The following IMMP2L variants were observed in gnomAD, a reference collection of about 807,000 sequenced individuals.
IMMP2L encodes the protein mitochondrial inner membrane protease subunit 2.
Under a neutral mutation model 19.3 loss-of-function variants are expected in IMMP2L, and 18 were observed. The observed-to-expected ratio is 0.93, with a 90% CI of 0.64 to 1.38. The LOEUF is 1.38. IMMP2L is among the 40% of genes most tolerant of loss of function. The pLI, the probability that IMMP2L is intolerant of heterozygous loss-of-function variation, is 0.00. For missense variants in IMMP2L, 233 were observed against 218.2 expected, an observed-to-expected ratio of 1.07 and a Z score of -0.43; for synonymous variants, 76 against 73.0, an observed-to-expected ratio of 1.04 and a Z score of -0.21.
intron 3 of IMMP2L, among the ~76,000 whole-genome samples, chr7:111,241,462 T>C (rs952382221): frequency 9.2e-5 from 14 of 152,030 alleles, no homozygotes; most frequent in African/African-American, 3.4e-4. Flanking sequence ...AAATTCTGGC[T>C]CTAGAGCTTA....
chr7:111,444,840 C>G (rs1035349693), intron 3 of IMMP2L, among the ~76,000 whole-genome samples: 3 of 152,022 alleles, frequency 2.0e-5, no homozygotes, highest in East Asian at 3.9e-4. Flanking sequence ...AGATATGCCC[C>G]TCTAATTACA....
At chr7:111,012,923 G>A (rs1480807758) in intron 3 of IMMP2L, among the ~76,000 whole-genome samples, 1 of 152,100 alleles carries the variant, frequency 6.6e-6, no homozygotes, top group East Asian at 1.9e-4. Context: ...GGAAGAGGAA[G>A]GGCTTCCATA....
intron 3 of IMMP2L, among the ~76,000 whole-genome samples, chr7:111,264,255 C>A (rs1366014030): frequency 2.0e-5 from 3 of 152,114 alleles, no homozygotes; most frequent in Non-Finnish European, 4.4e-5. Context: ...CATCACCTGA[C>A]AAGGGCACGG....
At chr7:111,048,985 G>A (rs1792722389) in intron 3 of IMMP2L, among the ~76,000 whole-genome samples, 1 of 151,978 alleles carries the variant, frequency 6.6e-6, no homozygotes, top group Non-Finnish European at 1.5e-5. Context: ...ACACTGCCAT[G>A]CTCTATTAGT....
Position 110,965,809 on chromosome 7 carries a change from A to G in IMMP2L, c.240-2244T>C, listed in dbSNP as rs140784223. ...CAAAGATGTACTACTAATAATAAAA[A>G]TAAATTGCTGTTGAGGGATTAGGGA... On this transcript the variant is annotated intron_variant, in intron 3 of 5. Transcript: ENST00000405709. Among the ~76,000 whole-genome samples, 608 of 152,148 alleles carry G rather than the reference A, an allele frequency of 4.0e-3. 4 individuals are homozygous for G. Among genetic ancestry groups the G allele is most frequent in the African/African-American group, 0.014 (587 of 41,552 alleles).
intron 3 of IMMP2L, among the ~76,000 whole-genome samples, chr7:110,998,893 T>TA (rs575366089): frequency 3.0e-4 from 45 of 152,166 alleles, no homozygotes; most frequent in Non-Finnish European, 2.8e-4. Flanking sequence ...TTAACAAACT[T>TA]ACAGCAATCT....
chr7:111,402,120 CAAAAATAAT>C (rs1451172542), intron 3 of IMMP2L, among the ~76,000 whole-genome samples: 2 of 97,246 alleles, frequency 2.1e-5, no homozygotes, highest in East Asian at 3.3e-4. Context: ...GACCCCATCT[CAAAAATAAT>C]AATAATAATA....
intron 3 of IMMP2L, among the ~76,000 whole-genome samples, chr7:111,169,084 A>G (rs1402380031): frequency 6.6e-6 from 1 of 151,940 alleles, no homozygotes; most frequent in African/African-American, 2.4e-5. Flanking sequence ...CAAAAACAGC[A>G]ATCATGTAGT....
At chr7:111,095,579 T>C (rs191513159) in intron 3 of IMMP2L, among the ~76,000 whole-genome samples, 1 of 152,052 alleles carries the variant, frequency 6.6e-6, no homozygotes, top group African/African-American at 2.4e-5. Context: ...CATTTGAATA[T>C]AGTTTACCAT....
chr7:110,866,368 A>G (rs1323002530), intron 5 of IMMP2L, among the ~76,000 whole-genome samples: 1 of 151,858 alleles, frequency 6.6e-6, no homozygotes, highest in Non-Finnish European at 1.5e-5. Context: ...TGGTTTGAGA[A>G]CATTCAGATA....
chr7:110,865,262 T>C (rs1360380623), intron 5 of IMMP2L, among the ~76,000 whole-genome samples: 1 of 152,068 alleles, frequency 6.6e-6, no homozygotes, highest in African/African-American at 2.4e-5. Flanking sequence ...AGATGGATTC[T>C]GACAAACACT....
At chr7:110,763,295 T>G (rs975564784) in intron 5 of IMMP2L, among the ~76,000 whole-genome samples, 1 of 152,130 alleles carries the variant, frequency 6.6e-6, no homozygotes, top group African/African-American at 2.4e-5. Context: ...CACTTCCTAT[T>G]CAATGGAGAA....
intron 5 of IMMP2L, among the ~76,000 whole-genome samples, chr7:110,718,248 A>G (rs1245293390): frequency 1.3e-5 from 2 of 152,242 alleles, no homozygotes; most frequent in East Asian, 3.8e-4. Context: ...GTAAAAGTAG[A>G]AAGTTTGAGA....
At chr7:110,838,691 A>G (rs1804756911) in intron 5 of IMMP2L, among the ~76,000 whole-genome samples, 1 of 152,144 alleles carries the variant, frequency 6.6e-6, no homozygotes, top group Non-Finnish European at 1.5e-5. Context: ...AGCCTTCATA[A>G]CTATAATAAA....
intron 3 of IMMP2L, among the ~76,000 whole-genome samples, chr7:111,010,940 C>CA (rs1028560450): frequency 3.4e-4 from 33 of 97,690 alleles, no homozygotes; most frequent in East Asian, 4.7e-4. Flanking sequence ...CAGAGCTGGA[C>CA]AAAAAAAAAA....
intron 2 of IMMP2L, among the ~76,000 whole-genome samples, chr7:111,514,610 A>T (rs1845723729): frequency 6.6e-6 from 1 of 152,108 alleles, no homozygotes; most frequent in East Asian, 1.9e-4. Flanking sequence ...CATCACTTAC[A>T]ATGGGTAAAT....
intron 4 of IMMP2L, among the ~76,000 whole-genome samples, chr7:110,944,106 C>T (rs1271669713): frequency 6.6e-6 from 1 of 151,936 alleles, no homozygotes; most frequent in East Asian, 1.9e-4. Context: ...TTAAATTTGA[C>T]AAATACTTAG....
intron 3 of IMMP2L, among the ~76,000 whole-genome samples, chr7:111,148,826 T>G (rs1803766335): frequency 6.6e-6 from 1 of 152,036 alleles, no homozygotes; most frequent in South Asian, 2.1e-4. Context: ...ATGATTATAC[T>G]TTGTTATGAA....
intron 3 of IMMP2L, among the ~76,000 whole-genome samples, chr7:111,254,697 C>G (rs944926757): frequency 6.6e-6 from 1 of 152,006 alleles, no homozygotes; most frequent in Non-Finnish European, 1.5e-5. Flanking sequence ...CCAGGACCAC[C>G]CACATATAAC....
Sources: gnomAD v4.1 joint callset for allele counts (sites outside exome capture counted in the v4.1 genomes callset) on GRCh38, gnomAD v4.1.1 for gene constraint, MANE v1.5 for transcripts, NCBI Gene and HGNC (gene_info 2026-07-23, HGNC 2026-07-21) for gene names.